Variants in LINGO2 observed in about 807,000 individuals in gnomAD.
LINGO2 encodes the protein leucine-rich repeat and immunoglobulin-like domain-containing nogo receptor-interacting protein 2.
Under a neutral mutation model 30.6 loss-of-function variants are expected in LINGO2, and 14 were observed. The ratio of observed to expected loss-of-function variants is 0.46; its 90% CI spans 0.30 to 0.72. The LOEUF (loss-of-function observed/expected upper bound fraction) is 0.72, where lower values mean the gene tolerates loss of function less well. LINGO2 is among the 30% of genes least tolerant of loss of function. The pLI is 0.07. For missense variants in LINGO2, 729 were observed against 751.7 expected, an observed-to-expected ratio of 0.97 and a Z score of 0.35; for synonymous variants, 317 against 288.5, an observed-to-expected ratio of 1.10 and a Z score of -1.00.
At chr9:28,516,735 G>A (rs1820633496) in intron 1 of LINGO2, among the ~76,000 whole-genome samples, 1 of 152,146 alleles carries the variant, frequency 6.6e-6, no homozygotes, top group South Asian at 2.1e-4. Context: ...TGTTGTTAAT[G>A]TTACTGAAGA....
intron 2 of LINGO2, among the ~76,000 whole-genome samples, chr9:28,468,432 A>G (rs1825395544): frequency 6.6e-6 from 1 of 152,200 alleles, no homozygotes; most frequent in South Asian, 2.1e-4. Context: ...CATGTAAACC[A>G]GTGGCATGCA....
At chr9:27,981,571 A>AAG (rs1820875340) in intron 5 of LINGO2, among the ~76,000 whole-genome samples, 3 of 74,224 alleles carry the variant, frequency 4.0e-5, no homozygotes, top group East Asian at 4.2e-4. Flanking sequence ...AAAAAAAAAG[A>AAG]AAAAAAAAAG....
the LINGO2 span, among the ~76,000 whole-genome samples, chr9:28,883,628 G>GTATATATATATATATA: frequency 2.0e-4 from 13 of 64,124 alleles, no homozygotes; most frequent in African/African-American, 4.1e-4. Flanking sequence ...ATGTGTGTGT[G>GTATATATATATATATA]TATATATATA....
At chr9:28,302,953 T>C (rs1824204949) in intron 3 of LINGO2, among the ~76,000 whole-genome samples, 1 of 152,162 alleles carries the variant, frequency 6.6e-6, no homozygotes, top group Admixed American at 6.6e-5. Context: ...AGAATTAAGA[T>C]TTAAACTTGT....
At chr9:28,387,500 G>C (rs1821635983) in intron 2 of LINGO2, among the ~76,000 whole-genome samples, 1 of 152,208 alleles carries the variant, frequency 6.6e-6, no homozygotes. Context: ...CCCCTTCCAC[G>C]TTGTAGAAGC....
chr9:28,651,394 G>A (rs1459832505), intron 1 of LINGO2, among the ~76,000 whole-genome samples: 1 of 152,020 alleles, frequency 6.6e-6, no homozygotes, highest in Non-Finnish European at 1.5e-5. Flanking sequence ...ATAAACAGTA[G>A]GACAAGACTA....
At chr9:28,518,098 C>T (rs1820696155) in intron 1 of LINGO2, among the ~76,000 whole-genome samples, 1 of 152,042 alleles carries the variant, frequency 6.6e-6, no homozygotes, top group Admixed American at 6.6e-5. Context: ...GTCATTTTAC[C>T]TCCACAGCCA....
At chr9:28,432,430 T>C (rs1008540694) in intron 2 of LINGO2, among the ~76,000 whole-genome samples, 1 of 151,628 alleles carries the variant, frequency 6.6e-6, no homozygotes, top group Non-Finnish European at 1.5e-5. Context: ...AAAATAGAAA[T>C]ATTTCAACTG....
intron 1 of LINGO2, among the ~76,000 whole-genome samples, chr9:28,598,431 A>AACC: frequency 8.0e-6 from 1 of 125,566 alleles, no homozygotes; most frequent in Non-Finnish European, 1.9e-5. Flanking sequence ...AAAAAAAAAA[A>AACC]AAACAAAACA....
chr9:29,169,962 T>C, the LINGO2 span, among the ~76,000 whole-genome samples: 1 of 149,380 alleles, frequency 6.7e-6, no homozygotes, highest in Non-Finnish European at 1.5e-5. Flanking sequence ...GCCATTGCAC[T>C]CCAGCCTGGG....
At chr9:29,025,471 TC>T in the LINGO2 span, among the ~76,000 whole-genome samples, 1 of 152,162 alleles carries the variant, frequency 6.6e-6, no homozygotes, top group African/African-American at 2.4e-5. Flanking sequence ...ATAGCTGATT[TC>T]CAAGACAATA....
At chr9:28,685,396 G>C in the LINGO2 span, among the ~76,000 whole-genome samples, 1 of 152,188 alleles carries the variant, frequency 6.6e-6, no homozygotes. Flanking sequence ...GTATTTATTA[G>C]TTTACACTGT....
At chr9:28,174,549 A>C (rs1190142998) in intron 4 of LINGO2, among the ~76,000 whole-genome samples, 1 of 152,090 alleles carries the variant, frequency 6.6e-6, no homozygotes, top group Non-Finnish European at 1.5e-5. Flanking sequence ...TGCACTTCTA[A>C]CTAATTCTTG....
chr9:28,265,435 C>A (rs1312807909), intron 4 of LINGO2, among the ~76,000 whole-genome samples: 1 of 151,878 alleles, frequency 6.6e-6, no homozygotes, highest in Admixed American at 6.6e-5. Context: ...GATTTGGTAC[C>A]TGTGCTGTAA....
At chr9:28,025,449 CTT>C (rs1050564924) in intron 4 of LINGO2, among the ~76,000 whole-genome samples, 9 of 152,300 alleles carry the variant, frequency 5.9e-5, no homozygotes, top group Non-Finnish European at 8.8e-5. Flanking sequence ...AGTGGACACT[CTT>C]TTCTCAGCTA....
intron 5 of LINGO2, among the ~76,000 whole-genome samples, chr9:27,986,849 G>A (rs959704839): frequency 1.3e-5 from 2 of 151,926 alleles, no homozygotes; most frequent in African/African-American, 2.4e-5. Context: ...AAAGGAGAAA[G>A]TACATGGTAT....
At chr9:29,060,898 G>A in the LINGO2 span, among the ~76,000 whole-genome samples, 5 of 151,862 alleles carry the variant, frequency 3.3e-5, no homozygotes, top group African/African-American at 1.2e-4. Context: ...CCATCAGTAA[G>A]ATCAGAAGTT....
At chr9:29,077,249 A>C in the LINGO2 span, among the ~76,000 whole-genome samples, 29,959 of 151,964 alleles carry the variant, frequency 0.2, 3,091 homozygotes, top group African/African-American at 0.24. Context: ...TGATTACATT[A>C]ATCTATACTT....
the LINGO2 span, among the ~76,000 whole-genome samples, chr9:29,127,260 CTTTG>C: frequency 2.0e-5 from 3 of 152,102 alleles, no homozygotes; most frequent in Non-Finnish European, 4.4e-5. Flanking sequence ...TTTTTCATTG[CTTTG>C]TTTGTGCATT....
Sources: allele counts gnomAD v4.1 joint callset (sites outside exome capture counted in the v4.1 genomes callset), GRCh38; gene constraint gnomAD v4.1.1; transcripts MANE v1.5; gene names NCBI Gene and HGNC (gene_info 2026-07-23, HGNC 2026-07-21).